ZNF71: variants seen among roughly 807,000 people sequenced by gnomAD.
The protein encoded by ZNF71 is endothelial zinc finger protein induced by tumor necrosis factor alpha.
In ZNF71, 3 loss-of-function variants were observed where a neutral mutation model predicts 6.7. The ratio of observed to expected loss-of-function variants is 0.45; its 90% CI spans 0.20 to 1.16. The LOEUF (loss-of-function observed/expected upper bound fraction) is 1.16. Among genes scored for constraint, ZNF71 ranks in the 50% most tolerant of loss-of-function variants. ZNF71 has a pLI of 0.25. For synonymous variants in ZNF71, 343 were observed against 311.1 expected, an observed-to-expected ratio of 1.10 and a Z score of -1.08; for missense variants, 688 against 728.6, an observed-to-expected ratio of 0.94 and a Z score of 0.64.
At chr19:56,619,723 T>G (rs1320854698) in intron 3 of ZNF71, among the ~76,000 whole-genome samples, 1 of 152,180 alleles carries the variant, frequency 6.6e-6, no homozygotes, top group Non-Finnish European at 1.5e-5. Flanking sequence ...CCTCAGGAAC[T>G]ACCAGGTGGA....
intron 2 of ZNF71, chr19:56,610,293 G>T (rs2044742069): frequency 6.6e-6 from 1 of 152,198 alleles, no homozygotes; most frequent in African/African-American, 2.4e-5. Flanking sequence ...CCATAAAGAG[G>T]TCTGCGCCTG....
chr19:56,597,536 T>C (rs116652040), intron 1 of ZNF71, among the ~76,000 whole-genome samples: 2,807 of 152,328 alleles, frequency 0.018, 40 homozygotes, highest in African/African-American at 0.038. Flanking sequence ...TTTGGTTTGT[T>C]TTTTCACAAA....
In ZNF71 at chr19:56,603,096, A is replaced by G. The variant is rs546317495; in HGVS notation, c.33+1505A>G. On this transcript the variant is annotated intron_variant, in intron 2 of 3. Transcript: ENST00000599599. This position sits in a 1 kb window ranked among gnomAD's most constrained non-coding sequence, Gnocchi z 4.6. Reference sequence around the variant, plus strand: ...TTTGTTGAGGTACACATCACGTATCACAAAGTGTACAATTCACTGATTTTG... The same window carrying G: ...TTTGTTGAGGTACACATCACGTATCGCAAAGTGTACAATTCACTGATTTTG... Among the ~76,000 whole-genome samples the G allele has an allele frequency of 3.3e-5, 5 of 152,322 alleles. No homozygotes were observed. The South Asian group carries it at 1.0e-3, about 32-fold the overall frequency.
Position 56,618,085 on chromosome 19 carries a change from T to A in ZNF71, c.161-3183T>A, listed in dbSNP as rs2044811305. On this transcript the variant is annotated intron_variant, in intron 3 of 3. Coordinates refer to ENST00000599599, the MANE Select transcript of ZNF71 (RefSeq NM_001370215.1). This position sits in a 1 kb window ranked among gnomAD's most constrained non-coding sequence, Gnocchi z 4.6. ...ATTGTGCCACACCCTGACTAGGGTC[T>A]CTAAACCACAATCATTCTCCTGCAT... Among the ~76,000 whole-genome samples the A allele has an allele frequency of 6.6e-6, 1 of 152,186 alleles. No individual in the cohort carries two copies. The highest frequency in any genetic ancestry group is 1.5e-5 in the Non-Finnish European group (1 of 68,034).
In ZNF71 at chr19:56,598,585, A is replaced by G. The variant is rs781399590; in HGVS notation, c.-52-2922A>G. The stretch of plus-strand genomic sequence containing the variant: ...TACAACAGGGCTTCTCAACCTCCAC[A>G]CTACTGACCTTTGGGCCTGATCATT... On this transcript the variant is annotated intron_variant, in intron 1 of 3. Transcript: ENST00000599599. This position sits in a 1 kb window ranked among gnomAD's most constrained non-coding sequence, Gnocchi z 4.2. Among the ~76,000 whole-genome samples the G allele has an allele frequency of 2.6e-5, 4 of 152,146 alleles. No individual in the cohort carries two copies. Among genetic ancestry groups the G allele is most frequent in the Non-Finnish European group, 5.9e-5 (4 of 68,028 alleles).
chr19:56,597,309 A>AT lies in ZNF71; in HGVS notation c.-53+1890dup, dbSNP rs533287895. ...TGAAAGAGACCACTATCTGCAAGGAATTTTTTTTTATATTAAATTGTGTTT... is the reference window on the plus strand; with the variant it reads ...TGAAAGAGACCACTATCTGCAAGGAATTTTTTTTTTATATTAAATTGTGTTT... On this transcript the variant is annotated intron_variant, in intron 1 of 3. Transcript: ENST00000599599. Among the ~76,000 whole-genome samples the AT allele has an allele frequency of 1.4e-3, 213 of 151,942 alleles. 2 individuals are homozygous for AT. In the Middle Eastern group the frequency reaches 0.034, roughly 24 times the overall value.
intron 1 of ZNF71, among the ~76,000 whole-genome samples, chr19:56,600,458 A>C (rs2044662097): frequency 6.3e-5 from 1 of 15,758 alleles, no homozygotes; most frequent in Non-Finnish European, 1.5e-4. Context: ...CGGCCTCCCA[A>C]AGTGCTGGGA....
At chr19:56,602,940 C>T (rs892822894) in intron 2 of ZNF71, among the ~76,000 whole-genome samples, 3 of 152,108 alleles carry the variant, frequency 2.0e-5, no homozygotes, top group Non-Finnish European at 4.4e-5. Context: ...TATTTTCTTC[C>T]TTTTCACCAT....
chr19:56,611,210 A>C (rs1277750112), intron 2 of ZNF71, among the ~76,000 whole-genome samples: 6 of 152,204 alleles, frequency 3.9e-5, no homozygotes, highest in Non-Finnish European at 8.8e-5. Context: ...GGAGCAGAGC[A>C]CAAGGGGCAG....
Position 56,622,821 on chromosome 19 carries a change from G to C in ZNF71, c.*64G>C, listed in dbSNP as rs999515271. 3.3e-6 allele frequency: 5 copies of C among 1,535,966 alleles called. No homozygotes were observed. The highest frequency in any genetic ancestry group is 4.4e-6 in the Non-Finnish European group (5 of 1,139,718). On this transcript the variant is annotated 3_prime_UTR_variant, in exon 4 of 4. Transcript: ENST00000599599. The stretch of plus-strand genomic sequence containing the variant: ...CGGACGCCAGATGGCTGCGCGCTTT[G>C]TCAGCAGTGCTGTGAGAAGTTCTCC...
At chr19:56,617,122 G>GTT (rs367787804) in intron 3 of ZNF71, among the ~76,000 whole-genome samples, 3 of 142,784 alleles carry the variant, frequency 2.1e-5, no homozygotes, top group African/African-American at 5.4e-5. Flanking sequence ...GTTTTTTTTT[G>GTT]TTTTTTTTGA....
chr19:56,617,870 A>G (rs1238290655), intron 3 of ZNF71, among the ~76,000 whole-genome samples: 4 of 152,058 alleles, frequency 2.6e-5, no homozygotes, highest in African/African-American at 9.7e-5. Context: ...TCTCCAGGTC[A>G]TGTTCACTCC....
Position 56,621,274 on chromosome 19 carries a change from A to G in ZNF71, c.167A>G (p.Glu56Gly), listed in dbSNP as rs545499390. 1.5e-5 allele frequency: 22 copies of G among 1,514,484 alleles called. No individual in the cohort carries two copies. Among genetic ancestry groups the G allele is most frequent in the Non-Finnish European group, 1.6e-5 (18 of 1,132,606 alleles). The allele number at this position is 1,514,484 out of a possible 1,614,324, so 93.8% of individuals were successfully genotyped here. A position where few individuals can be genotyped will look rare whatever the true frequency, so the allele number is the denominator to read the frequency against. Residue 56 changes from glutamate (E) to glycine (G), a missense_variant, in exon 4 of 4, where the codon GAG becomes GGG. Glu to Gly is a moderately conservative substitution (Grantham distance 98). Coordinates refer to ENST00000599599, the MANE Select transcript of ZNF71 (RefSeq NM_001370215.1). ...CTGTTTTTGTTTTTTTCAGACTGGG[A>G]GACTAGACCTGAAATGAAAGAGTTG... Reference protein sequence around the residue: ...NYRNLVSLDWETRPEMKELDP... With the variant: ...NYRNLVSLDWGTRPEMKELDP...
chr19:56,599,928 G>A (rs12973883), intron 1 of ZNF71, among the ~76,000 whole-genome samples: 92,099 of 151,434 alleles, frequency 0.61, 28,821 homozygotes, highest in East Asian at 0.99. Context: ...TGATCCGCCC[G>A]CCTCGGCCTC....
chr19:56,617,992 A>G (rs756576138), intron 3 of ZNF71, among the ~76,000 whole-genome samples: 41 of 140,466 alleles, frequency 2.9e-4, no homozygotes, highest in Non-Finnish European at 5.3e-4. Context: ...ATTCACCATC[A>G]CCCCTGGAGA....
In ZNF71 at chr19:56,621,715, C is replaced by T. The variant is rs770721727; in HGVS notation, c.608C>T (p.Ser203Leu). 27 of 1,613,878 alleles carry T rather than the reference C, an allele frequency of 1.7e-5. No individual in the cohort carries two copies. The highest frequency in any genetic ancestry group is 2.7e-5 in the African/African-American group (2 of 74,894). ...SECGKAFSRSSSLIKHQRIHT... is the reference protein window; with the variant it reads ...SECGKAFSRSLSLIKHQRIHT... ...TGTGGCAAGGCCTTTAGCCGAAGCT[C>T]GTCCCTGATAAAGCACCAAAGGATC... Residue 203 changes from serine to leucine, a missense_variant, in exon 4 of 4, where the codon TCG (serine) becomes TTG (leucine). Ser to Leu is a moderately radical substitution (Grantham distance 145). Transcript: ENST00000599599.
At chr19:56,609,872 T>C (rs2044738610) in intron 2 of ZNF71, 1 of 151,998 alleles carries the variant, frequency 6.6e-6, no homozygotes, top group Non-Finnish European at 1.5e-5. Flanking sequence ...GCATACGATA[T>C]GGATTTTGCC....
In ZNF71 at chr19:56,622,121, C is replaced by T; in HGVS notation, c.1014C>T (p.Ala338=). The T allele has an allele frequency of 6.2e-7, 1 of 1,613,514 alleles. No individual in the cohort carries two copies. Among genetic ancestry groups the T allele is most frequent in the Non-Finnish European group, 8.5e-7 (1 of 1,179,602 alleles). The change falls in exon 4 of 4, where the codon GCC becomes GCT. Residue 338 remains alanine (A), a synonymous_variant. Coordinates refer to ENST00000599599, the MANE Select transcript of ZNF71 (RefSeq NM_001370215.1). ...KPYVCPECGR[A]FSQNMHLTEH... is the part of the protein sequence containing the mutation. ...ACGTGTGCCCCGAGTGCGGGCGAGCCTTCAGCCAGAACATGCACCTGACCG... is the reference window on the plus strand; with the variant it reads ...ACGTGTGCCCCGAGTGCGGGCGAGCTTTCAGCCAGAACATGCACCTGACCG...
intron 3 of ZNF71, among the ~76,000 whole-genome samples, chr19:56,619,585 A>T (rs1169650355): frequency 2.6e-5 from 4 of 152,226 alleles, no homozygotes; most frequent in Non-Finnish European, 5.9e-5. Flanking sequence ...ATAGCCCAGA[A>T]AGCAGGTCTG....
Sources: gnomAD v4.1 joint callset for allele counts (sites outside exome capture counted in the v4.1 genomes callset) on GRCh38, gnomAD v4.1.1 for gene constraint, Gnocchi (gnomAD v3.1) non-coding constraint, MANE v1.5 for transcripts, NCBI Gene and HGNC (gene_info 2026-07-23, HGNC 2026-07-21) for gene names.